The following CDKL5 variants were observed in gnomAD, a reference collection of about 807,000 sequenced individuals.
CDKL5 encodes the protein cyclin dependent kinase like 5.
A neutral mutation model predicts 61.7 loss-of-function variants in CDKL5; 8 were observed. The ratio of observed to expected loss-of-function variants is 0.13; its 90% CI spans 0.08 to 0.23. The LOEUF is 0.23. Among genes scored for constraint, CDKL5 ranks in the 10% least tolerant of loss-of-function variants. The pLI, the probability that CDKL5 is intolerant of heterozygous loss-of-function variation, is 1.00. For synonymous variants in CDKL5, 275 were observed against 272.3 expected, an observed-to-expected ratio of 1.01 and a Z score of -0.10; for missense variants, 440 against 734.5, an observed-to-expected ratio of 0.60 and a Z score of 4.63.
chrX:18,478,229 G>A (rs1216369038), intron 1 of CDKL5, among the ~76,000 whole-genome samples: 1 of 104,559 alleles, frequency 9.6e-6, no homozygotes, highest in African/African-American at 3.5e-5. Context: ...TTCTTTCATC[G>A]CTTTGAATGT....
intron 1 of CDKL5, among the ~76,000 whole-genome samples, chrX:18,505,528 C>T (rs1210585238): frequency 8.9e-6 from 1 of 112,025 alleles, no homozygotes; most frequent in African/African-American, 3.2e-5. Context: ...CTTCTTGTTA[C>T]TCAGTTGTTT....
intron 1 of CDKL5, among the ~76,000 whole-genome samples, chrX:18,463,059 C>T (rs904606599): frequency 5.5e-5 from 6 of 109,839 alleles, no homozygotes; most frequent in South Asian, 3.9e-4. Flanking sequence ...TAAAAGATAC[C>T]GGAAGCTGGG....
chrX:18,546,854 G>C (rs956757388), intron 3 of CDKL5, among the ~76,000 whole-genome samples: 1 of 111,276 alleles, frequency 9.0e-6, no homozygotes, highest in South Asian at 3.8e-4. Flanking sequence ...TTGGGATCAC[G>C]AAAAGAGGAG....
chrX:18,648,636 G>T (rs1170050199), intron 20 of CDKL5, among the ~76,000 whole-genome samples: 1 of 112,045 alleles, frequency 8.9e-6, no homozygotes, highest in Non-Finnish European at 1.9e-5. Flanking sequence ...TTTGCAGTTA[G>T]AAGTGCCCAG....
chrX:18,522,536 G>A (rs142328374), intron 3 of CDKL5, among the ~76,000 whole-genome samples: 16 of 106,351 alleles, frequency 1.5e-4, no homozygotes, highest in African/African-American at 4.8e-4. Flanking sequence ...GTAGAGACAG[G>A]GTTTTGCCAT....
intron 3 of CDKL5, among the ~76,000 whole-genome samples, chrX:18,518,388 ATTTTTTTTTTTTTTTTTTTTTT>A (rs779361711): frequency 4.7e-5 from 1 of 21,162 alleles, no homozygotes; most frequent in African/African-American, 1.6e-4. Flanking sequence ...TTCTTTTCTT[ATTTTTTTTTTTTTTTTTTTTTT>A]TTTTTTTTTT....
rs189408307 is a variant in CDKL5, at chrX:18,624,503, A to G, written c.2377-625A>G. Among the ~76,000 whole-genome samples, 8 of 111,970 alleles carry G rather than the reference A, an allele frequency of 7.1e-5. No homozygotes were observed. In the South Asian group the frequency reaches 1.5e-3, roughly 21 times the overall value. ...AACCAGGGCTTTTGCTTGGCATTTGACATTACTCTTCTGTGTTCACCAAAA... is the reference window on the plus strand; with the variant it reads ...AACCAGGGCTTTTGCTTGGCATTTGGCATTACTCTTCTGTGTTCACCAAAA... On this transcript the variant is annotated intron_variant, in intron 16 of 17. Coordinates refer to ENST00000623535, the MANE Select transcript of CDKL5 (RefSeq NM_001323289.2).
In CDKL5 at chrX:18,604,317, A is replaced by G. The variant is rs1261527283; in HGVS notation, c.1393A>G (p.Ser465Gly). Reference protein sequence around the residue: ...AGTLQPNEKQSRHSYIDTIPQ... With the variant: ...AGTLQPNEKQGRHSYIDTIPQ... The stretch of plus-strand genomic sequence containing the variant: ...GACACTGCAGCCCAATGAAAAGCAG[A>G]GTCGGCATAGCTATATTGACACAAT... Residue 465 changes from serine to glycine, a missense_variant, in exon 12 of 18, where the codon AGT becomes GGT. By Grantham distance (56) the Ser-to-Gly change is moderately conservative. Coordinates refer to ENST00000623535, the MANE Select transcript of CDKL5 (RefSeq NM_001323289.2). 2.5e-6 allele frequency: 3 copies of G among 1,211,054 alleles called. No individual in the cohort carries two copies. Among genetic ancestry groups the G allele is most frequent in the Non-Finnish European group, 2.2e-6 (2 of 894,930 alleles).
At chrX:18,535,752 A>G (rs1300460120) in intron 3 of CDKL5, 3 of 142,029 alleles carry the variant, frequency 2.1e-5, no homozygotes, top group Non-Finnish European at 4.5e-5. Context: ...TGCGTTATTC[A>G]GTGTCTCATT....
At chrX:18,519,595 C>T (rs917992454) in intron 3 of CDKL5, among the ~76,000 whole-genome samples, 9 of 111,665 alleles carry the variant, frequency 8.1e-5, no homozygotes, top group African/African-American at 2.6e-4. Context: ...TGTCAACTGT[C>T]ACAGCAGAGA....
intron 3 of CDKL5, among the ~76,000 whole-genome samples, chrX:18,526,607 T>C (rs760303787): frequency 9.0e-6 from 1 of 111,571 alleles, no homozygotes; most frequent in African/African-American, 3.3e-5. Context: ...TCTGAGGAAG[T>C]TCCTCTCTAT....
intron 1 of CDKL5, among the ~76,000 whole-genome samples, chrX:18,454,679 C>T (rs1254515219): frequency 9.1e-6 from 1 of 109,499 alleles, no homozygotes; most frequent in Admixed American, 9.9e-5. Flanking sequence ...GCCTCAGCCT[C>T]CCGAGTAGCT....
Position 18,628,802 on chromosome X carries a change from A to T in CDKL5, c.*45A>T. The T allele has an allele frequency of 2.7e-4, 10 of 37,538 alleles. No individual in the cohort carries two copies. The highest frequency in any genetic ancestry group is 2.5e-3 in the East Asian group (2 of 785). 3.1% of individuals were successfully genotyped at this position (37,538 alleles called of 1,213,427 possible). The stretch of plus-strand genomic sequence containing the variant: ...GGGGTGGACAGACAAGCCAGTGGGG[A>T]GGGGTGGGAAAGGGTGGGCTGGGCT... On this transcript the variant is annotated 3_prime_UTR_variant, in exon 18 of 18. Transcript: ENST00000623535.
chrX:18,615,030 G>A (rs1274772430), intron 15 of CDKL5, among the ~76,000 whole-genome samples: 1 of 112,125 alleles, frequency 8.9e-6, no homozygotes, highest in African/African-American at 3.2e-5. Flanking sequence ...TTTTACGCGT[G>A]GATATGTACA....
chrX:18,639,450 C>A lies in CDKL5; in HGVS notation c.*10693C>A, dbSNP rs747475751. ...GTCACTAGGGAAATGCAAATCAAAA[C>A]CACAGTTGAGATGCAACTTCACACA... On this transcript the variant is annotated 3_prime_UTR_variant, in exon 18 of 18. Coordinates refer to ENST00000623535, the MANE Select transcript of CDKL5 (RefSeq NM_001323289.2). Among the ~76,000 whole-genome samples, 6 of 112,226 alleles carry A rather than the reference C, an allele frequency of 5.3e-5. No individual in the cohort carries two copies. Among genetic ancestry groups the A allele is most frequent in the African/African-American group, 1.9e-4 (6 of 30,911 alleles).
rs779216631 is a variant in CDKL5, at chrX:18,634,503, T to C, written c.*5746T>C. 9 of 752,517 alleles carry C rather than the reference T, an allele frequency of 1.2e-5. No homozygotes were observed. The highest frequency in any genetic ancestry group is 1.4e-5 in the Non-Finnish European group (9 of 639,071). The allele number at this position is 752,517 out of a possible 1,213,427, so 62.0% of individuals were successfully genotyped here. On this transcript the variant is annotated 3_prime_UTR_variant, in exon 18 of 18. Coordinates refer to ENST00000623535, the MANE Select transcript of CDKL5 (RefSeq NM_001323289.2). The stretch of plus-strand genomic sequence containing the variant: ...GAAAAACAAAACAAAACAAAAAAGA[T>C]GCTTATCGTCCCGGAGAATGTGTAA...
chrX:18,533,130 T>C (rs1923704158), intron 3 of CDKL5, among the ~76,000 whole-genome samples: 1 of 112,230 alleles, frequency 8.9e-6, no homozygotes, highest in Admixed American at 9.5e-5. Context: ...AAATGTGTTT[T>C]AAAATGATTT....
chrX:18,602,452 A>AT (rs951479820), intron 11 of CDKL5, among the ~76,000 whole-genome samples: 1 of 99,961 alleles, frequency 1.0e-5, no homozygotes. Context: ...GAAACTTAGC[A>AT]TTTTTTTCTT....
rs143868987 is a variant in CDKL5, at chrX:18,651,532, G to A, written c.2980+940G>A. On this transcript the variant is annotated intron_variant, in intron 21 of 21. Transcript: ENST00000379989. ...CTTGGGAGCCCTAAGCTCTGGGCACGCTCAGAAAACTTGGGAAGGTCCCTC... is the reference window on the plus strand; with the variant it reads ...CTTGGGAGCCCTAAGCTCTGGGCACACTCAGAAAACTTGGGAAGGTCCCTC... Among the ~76,000 whole-genome samples the A allele has an allele frequency of 7.5e-3, 830 of 111,023 alleles. 13 individuals are homozygous for A. Among genetic ancestry groups the A allele is most frequent in the African/African-American group, 0.025 (748 of 30,496 alleles).
Sources: gnomAD v4.1 joint callset for allele counts (sites outside exome capture counted in the v4.1 genomes callset) on GRCh38, gnomAD v4.1.1 for gene constraint, MANE v1.5 for transcripts, NCBI Gene and HGNC (gene_info 2026-07-23, HGNC 2026-07-21) for gene names.